MYO10: variants seen among roughly 807,000 people sequenced by gnomAD.
MYO10 encodes myosin X.
In MYO10, 133 loss-of-function variants were observed where a neutral mutation model predicts 257.3. The ratio of observed to expected loss-of-function variants is 0.52; its 90% CI spans 0.45 to 0.60. The LOEUF (loss-of-function observed/expected upper bound fraction) is 0.60, where lower values mean the gene tolerates loss of function less well. MYO10 is among the 20% of genes least tolerant of loss of function. The pLI, the probability that MYO10 is intolerant of heterozygous loss-of-function variation, is 0.00. For missense variants in MYO10, 2,399 were observed against 2,635.7 expected, an observed-to-expected ratio of 0.91 and a Z score of 1.97; for synonymous variants, 1,104 against 1,028.6, an observed-to-expected ratio of 1.07 and a Z score of -1.40.
intron 1 of MYO10, among the ~76,000 whole-genome samples, chr5:16,917,416 G>GT (rs1745852832): frequency 6.6e-6 from 1 of 152,108 alleles, no homozygotes; most frequent in Non-Finnish European, 1.5e-5. Flanking sequence ...AATTGAGGAT[G>GT]TTTAGCAGCA....
At chr5:16,826,529 G>C (rs1743006197) in intron 2 of MYO10, among the ~76,000 whole-genome samples, 1 of 152,168 alleles carries the variant, frequency 6.6e-6, no homozygotes, top group Non-Finnish European at 1.5e-5. Flanking sequence ...GGCAGGAGGA[G>C]CCCAGGCTCT....
intron 1 of MYO10, among the ~76,000 whole-genome samples, chr5:16,924,082 G>A (rs796515531): frequency 1.3e-5 from 2 of 152,078 alleles, no homozygotes; most frequent in African/African-American, 4.8e-5. Context: ...GGAGTGAGAC[G>A]CTGTCTCAAA....
chr5:16,897,043 CAT>C (rs1745238532), intron 1 of MYO10, among the ~76,000 whole-genome samples: 1 of 152,032 alleles, frequency 6.6e-6, no homozygotes, highest in Non-Finnish European at 1.5e-5. Flanking sequence ...AGAAGGAAAT[CAT>C]ATAAATTTTC....
intron 1 of MYO10, among the ~76,000 whole-genome samples, chr5:16,899,060 G>A (rs575616060): frequency 5.9e-4 from 89 of 150,096 alleles, no homozygotes; most frequent in Non-Finnish European, 8.6e-4. Flanking sequence ...ACTTGCGCCC[G>A]GGAGGCAGAG....
At chr5:16,874,353 GGGGGGGT>G (rs1197734500) in intron 2 of MYO10, among the ~76,000 whole-genome samples, 3 of 109,462 alleles carry the variant, frequency 2.7e-5, no homozygotes, top group East Asian at 4.0e-4. Context: ...GCGGGGGGGG[GGGGGGGT>G]TTCTTTTCTA....
chr5:16,821,153 C>G (rs1321941478), intron 2 of MYO10, among the ~76,000 whole-genome samples: 1 of 147,402 alleles, frequency 6.8e-6, no homozygotes, highest in African/African-American at 2.5e-5. Context: ...TATAAAATAT[C>G]TATATAAGGT....
intron 10 of MYO10, among the ~76,000 whole-genome samples, chr5:16,767,700 TAG>T (rs1358827958): frequency 6.6e-6 from 1 of 151,958 alleles, no homozygotes; most frequent in Non-Finnish European, 1.5e-5. Context: ...TTTTTTGAGA[TAG>T]AGTCTCACTT....
chr5:16,877,100 G>A (rs1369057551), intron 2 of MYO10, among the ~76,000 whole-genome samples: 2 of 152,054 alleles, frequency 1.3e-5, no homozygotes, highest in African/African-American at 4.8e-5. Flanking sequence ...CCAGCATCTT[G>A]ATGGCCTTGG....
rs1491356491 is a variant in MYO10 at position 16,866,058 on chromosome 5, C to CACACACACACAA, written c.120+11550_120+11551insTTGTGTGTGTGT. On this transcript the variant is annotated intron_variant, in intron 2 of 40. Coordinates refer to ENST00000513610, the MANE Select transcript of MYO10 (RefSeq NM_012334.3). The stretch of plus-strand genomic sequence containing the variant: ...ACACACACACACACACACACACACA[C>CACACACACACAA]AAAACAATAGAGGAAAACCCAAGCT... Among the ~76,000 whole-genome samples, 228 of 131,612 alleles carry CACACACACACAA rather than the reference C, an allele frequency of 1.7e-3. 1 individual carries two copies. Among genetic ancestry groups the CACACACACACAA allele is most frequent in the African/African-American group, 6.1e-3 (226 of 37,074 alleles). 86.3% of individuals were successfully genotyped at this position (131,612 alleles called of 152,430 possible).
chr5:16,664,099 C>T lies in MYO10; in HGVS notation c.*2593G>A, dbSNP rs2126437424. 1 of 152,312 alleles carries T rather than the reference C, an allele frequency of 6.6e-6. No individual in the cohort carries two copies. Among genetic ancestry groups the T allele is most frequent in the African/African-American group, 2.4e-5 (1 of 41,564 alleles). 9.4% of individuals were successfully genotyped at this position (152,312 alleles called of 1,614,324 possible). ...TCTACAGTGATGGGGGATGCTACCACTGGGGAAACTGAAGGGCACGCAGGC... is the reference window on the plus strand; with the variant it reads ...TCTACAGTGATGGGGGATGCTACCATTGGGGAAACTGAAGGGCACGCAGGC... On this transcript the variant is annotated 3_prime_UTR_variant, in exon 41 of 41. Coordinates refer to ENST00000513610, the MANE Select transcript of MYO10 (RefSeq NM_012334.3).
At chr5:16,761,912 C>A in intron 16 of MYO10, 133 bp downstream of exon 16, 2 of 941,910 alleles carry the variant, frequency 2.1e-6, no homozygotes, top group Non-Finnish European at 1.5e-6. Context: ...CTCAGCCTCC[C>A]AAAGTACTGG....
At position 16,779,584 on chromosome 5, in the gene MYO10, G is replaced by A; in HGVS notation, c.891C>T (p.Asp297=). The change falls in exon 9 of 41, where the codon GAC becomes GAT. Residue 297 remains aspartate, a synonymous_variant. Coordinates refer to ENST00000513610, the MANE Select transcript of MYO10 (RefSeq NM_012334.3). The stretch of plus-strand genomic sequence containing the variant: ...AGGATTCCTGGTCACTGATTGTCTT[G>A]TCTTCTACACATCCAGACTGATTCA... The part of the protein sequence containing the change: ...HYLNQSGCVE[D]KTISDQESFR... The A allele has an allele frequency of 6.3e-7, 1 of 1,592,598 alleles. No individual in the cohort carries two copies. The highest frequency in any genetic ancestry group is 8.5e-7 in the Non-Finnish European group (1 of 1,173,356).
At chr5:16,709,239 A>G (rs1019491364) in intron 21 of MYO10, among the ~76,000 whole-genome samples, 1 of 152,210 alleles carries the variant, frequency 6.6e-6, no homozygotes, top group Admixed American at 6.5e-5. Flanking sequence ...CAAGACCTAA[A>G]GATGAGTTGG....
At chr5:16,900,524 CA>C (rs913610521) in intron 1 of MYO10, among the ~76,000 whole-genome samples, 4 of 152,064 alleles carry the variant, frequency 2.6e-5, no homozygotes, top group Admixed American at 1.3e-4. Flanking sequence ...CACCTCCCAG[CA>C]GGGAGGTGAG....
intron 1 of MYO10, among the ~76,000 whole-genome samples, chr5:16,906,941 G>A (rs190340927): frequency 8.6e-4 from 131 of 151,988 alleles, no homozygotes; most frequent in East Asian, 5.6e-3. Flanking sequence ...ATGAAACCCC[G>A]TCTCTACTAA....
chr5:16,870,026 C>T lies in MYO10; in HGVS notation c.120+7583G>A, dbSNP rs572853773. On this transcript the variant is annotated intron_variant, in intron 2 of 40. Transcript: ENST00000513610. ...GAAACAATACACTGTGATCTCCTGA[C>T]ACCCCGTGTTTCTGAGGTTCCATTT... 5.3e-5 allele frequency among the ~76,000 whole-genome samples: 8 copies of T among 151,452 alleles called. No individual in the cohort carries two copies. In the South Asian group the frequency reaches 1.7e-3, roughly 31 times the overall value.
chr5:16,894,705 G>C (rs557891771), intron 1 of MYO10, among the ~76,000 whole-genome samples: 1 of 152,168 alleles, frequency 6.6e-6, no homozygotes, highest in Non-Finnish European at 1.5e-5. Context: ...CAGTCCAATG[G>C]GGATGAAGTG....
intron 19 of MYO10, among the ~76,000 whole-genome samples, chr5:16,714,953 A>C (rs1738785423): frequency 6.6e-6 from 1 of 152,222 alleles, no homozygotes; most frequent in African/African-American, 2.4e-5. Context: ...TGCATATTTA[A>C]AAATAACTAA....
Position 16,704,645 on chromosome 5 carries a change from C to T in MYO10, c.2210G>A (p.Arg737Gln), listed in dbSNP as rs201915340. 66 of 1,613,828 alleles carry T rather than the reference C, an allele frequency of 4.1e-5. No individual in the cohort carries two copies. Among genetic ancestry groups the T allele is most frequent in the African/African-American group, 2.7e-5 (2 of 74,916 alleles). ...RESLEQKLEK[R>Q]REEEVSHAAM... ...CGCGTGGCTCACTTCCTCTTCCCTC[C>T]GCTTCTCCAGTTTCTGTTCCAAGGA... Residue 737 changes from arginine to glutamine, a missense_variant, in exon 22 of 41, where the codon CGG becomes CAG. By Grantham distance (43) the Arg-to-Gln change is conservative. Transcript: ENST00000513610.
Sources: allele counts gnomAD v4.1 joint callset (sites outside exome capture counted in the v4.1 genomes callset), GRCh38; gene constraint gnomAD v4.1.1; transcripts MANE v1.5; gene names NCBI Gene and HGNC (gene_info 2026-07-23, HGNC 2026-07-21).